The following GOSR2 variants were observed in gnomAD, a reference collection of about 807,000 sequenced individuals.
GOSR2 encodes the protein 27 kDa Golgi SNARE protein.
Under a neutral mutation model 27.9 loss-of-function variants are expected in GOSR2, and 20 were observed. The observed-to-expected ratio is 0.72, with a 90% CI of 0.50 to 1.04. The LOEUF (loss-of-function observed/expected upper bound fraction) is 1.04. GOSR2 is among the 50% of genes least tolerant of loss of function. GOSR2 has a pLI of 0.00. For missense variants in GOSR2, 261 were observed against 270.5 expected (o/e 0.97, Z 0.25); for synonymous variants, 91 against 98.8 (o/e 0.92, Z 0.47).
At position 46,941,803 on chromosome 17, in the gene GOSR2, C is replaced by A; in HGVS notation, c.*3043C>A. The A allele has an allele frequency of 3.5e-6, 1 of 282,328 alleles. No homozygotes were observed. The highest frequency in any genetic ancestry group is 5.3e-6 in the Non-Finnish European group (1 of 190,132). 17.5% of individuals were successfully genotyped at this position (282,328 alleles called of 1,614,324 possible). On this transcript the variant is annotated 3_prime_UTR_variant, in exon 6 of 6. Coordinates refer to ENST00000640051, the MANE Select transcript of GOSR2 (RefSeq NM_004287.5). ...GTTTTACTATGTTGACCAGATTGGT[C>A]TTAAACTCCTGGCCTCAAGTGATCT... is the stretch of plus-strand genomic sequence containing the variant.
At chr17:46,945,357 T>C (rs577906747), downstream of GOSR2, among the ~76,000 whole-genome samples, 53 of 152,278 alleles carry the variant, frequency 3.5e-4, no homozygotes, top group African/African-American at 1.3e-3. Flanking sequence ...GGTGTGGGTG[T>C]GGACAAGCCC....
downstream of GOSR2, among the ~76,000 whole-genome samples, chr17:46,943,583 C>T (rs74780658): frequency 1.5e-3 from 227 of 152,342 alleles, 3 homozygotes; most frequent in East Asian, 0.037. Context: ...TGCTCCTCAC[C>T]GCAGGGGCCT....
intron 6 of GOSR2, among the ~76,000 whole-genome samples, chr17:46,958,059 C>T (rs2090832823): frequency 1.3e-5 from 2 of 152,108 alleles, no homozygotes; most frequent in African/African-American, 4.8e-5. Flanking sequence ...TGTCACTGGC[C>T]GGGGGTCACC....
intron 6 of GOSR2, chr17:46,973,072 C>A (rs2091409284): frequency 6.6e-6 from 1 of 151,828 alleles, no homozygotes; most frequent in African/African-American, 2.4e-5. Flanking sequence ...TCAAGGGATG[C>A]TACTCGGAAA....
downstream of GOSR2, among the ~76,000 whole-genome samples, chr17:46,975,679 G>A (rs1310010780): frequency 2.0e-5 from 3 of 152,242 alleles, no homozygotes; most frequent in East Asian, 5.8e-4. Context: ...GTGCCTGCTT[G>A]TGTGAGCATA....
At chr17:46,938,441 A>G (rs924627054) in intron 5 of GOSR2, among the ~76,000 whole-genome samples, 158 bp from the exon 6 acceptor site, 3 of 152,206 alleles carry the variant, frequency 2.0e-5, no homozygotes, top group African/African-American at 7.2e-5. Flanking sequence ...AGTCGACGAC[A>G]TGAGAGTGGC....
At chr17:46,963,885 G>C (rs1043769122) in intron 6 of GOSR2, 4 of 152,174 alleles carry the variant, frequency 2.6e-5, no homozygotes, top group African/African-American at 9.7e-5. Flanking sequence ...AGCACAATAA[G>C]AGCTCACTGC....
At chr17:46,934,394 C>G (rs1175964100) in intron 4 of GOSR2, among the ~76,000 whole-genome samples, 2 of 152,146 alleles carry the variant, frequency 1.3e-5, no homozygotes, top group Non-Finnish European at 2.9e-5. Flanking sequence ...TGGTAGCATG[C>G]ACCTATGGTC....
chr17:46,926,956 T>C (rs78722784), intron 1 of GOSR2, among the ~76,000 whole-genome samples: 4,517 of 152,308 alleles, frequency 0.03, 214 homozygotes, highest in African/African-American at 0.1. Flanking sequence ...GGACACATGC[T>C]TTATTCTACT....
In GOSR2 at chr17:46,939,990, C is replaced by T; in HGVS notation, c.*1230C>T. On this transcript the variant is annotated 3_prime_UTR_variant, in exon 6 of 6. Transcript: ENST00000640051. The stretch of plus-strand genomic sequence containing the variant: ...AAGACATAAAATGACACTCAAAATC[C>T]TTCAGATCTGGAAACCGGCTCAGTA... The T allele has an allele frequency of 9.9e-7, 1 of 1,010,808 alleles. No individual in the cohort carries two copies. The highest frequency in any genetic ancestry group is 1.2e-6 in the Non-Finnish European group (1 of 843,906). 62.6% of individuals were successfully genotyped at this position (1,010,808 alleles called of 1,614,324 possible).
At position 46,929,758 on chromosome 17, in the gene GOSR2, C is replaced by T; in HGVS notation, c.94+174C>T. 5 of 605,158 alleles carry T rather than the reference C, an allele frequency of 8.3e-6. No individual in the cohort carries two copies. In the South Asian group the frequency reaches 9.3e-5, roughly 11 times the overall value. The allele number at this position is 605,158 out of a possible 1,614,324, so 37.5% of individuals were successfully genotyped here. On this transcript the variant is annotated intron_variant, in intron 2 of 5. Coordinates refer to ENST00000640051, the MANE Select transcript of GOSR2 (RefSeq NM_004287.5). ...AAAGTCACTGATTTCCCTGAGTGTG[C>T]CCTTTGGAATCCCACAAGTCTTATC... is the stretch of plus-strand genomic sequence containing the variant.
intron 6 of GOSR2, among the ~76,000 whole-genome samples, chr17:46,965,967 A>C (rs2091301156): frequency 6.6e-6 from 1 of 151,996 alleles, no homozygotes; most frequent in South Asian, 2.1e-4. Context: ...GCTGTTTATA[A>C]TGATGCAGGG....
intron 6 of GOSR2, among the ~76,000 whole-genome samples, chr17:46,962,929 T>C (rs1167002405): frequency 6.6e-6 from 1 of 152,244 alleles, no homozygotes; most frequent in Non-Finnish European, 1.5e-5. Context: ...AATGATGTGA[T>C]TTAATCCTTT....
intron 3 of GOSR2, chr17:46,931,484 C>A: frequency 2.0e-6 from 1 of 498,012 alleles, no homozygotes; most frequent in South Asian, 2.4e-5. Flanking sequence ...TGACTAGATC[C>A]ATAGCCACCT....
intron 5 of GOSR2, 70 bp downstream of exon 5, chr17:46,935,239 G>A (rs763374536): frequency 6.2e-7 from 1 of 1,608,250 alleles, no homozygotes; most frequent in Non-Finnish European, 8.5e-7. Context: ...TAGTAACTGT[G>A]TTTATATTTT....
Position 46,974,987 on chromosome 17 carries a change from CTTTT to C in GOSR2, c.616-189_616-186del, listed in dbSNP as rs58438726. ...CTTTTCAAATATGAATTACTATTTTCTTTTTTTTTTTTTTTTTTTTTTTTTTATG... is the reference window on the plus strand; with the variant it reads ...CTTTTCAAATATGAATTACTATTTTCTTTTTTTTTTTTTTTTTTTTTTATG... On this transcript the variant is annotated intron_variant, in intron 6 of 6. Transcript: ENST00000640723. Among the ~76,000 whole-genome samples the C allele has an allele frequency of 6.7e-5, 8 of 119,064 alleles. No individual in the cohort carries two copies. In the South Asian group the frequency reaches 8.2e-4, roughly 12 times the overall value. The allele number at this position is 119,064 out of a possible 152,430, so 78.1% of individuals were successfully genotyped here. A position where few individuals can be genotyped will look rare whatever the true frequency, so the allele number is the denominator to read the frequency against.
intron 6 of GOSR2, among the ~76,000 whole-genome samples, chr17:46,950,330 A>G (rs1484863388): frequency 6.6e-6 from 1 of 152,018 alleles, no homozygotes; most frequent in Non-Finnish European, 1.5e-5. Context: ...CTGGCTGAGG[A>G]GGTGGCAGAG....
At chr17:46,972,379 A>G (rs890140176) in intron 6 of GOSR2, among the ~76,000 whole-genome samples, 1 of 152,260 alleles carries the variant, frequency 6.6e-6, no homozygotes, top group South Asian at 2.1e-4. Context: ...AGTCCCTGCA[A>G]GGAGCTCTGG....
At chr17:46,945,932 C>T (rs970185996), downstream of GOSR2, among the ~76,000 whole-genome samples, 2 of 152,118 alleles carry the variant, frequency 1.3e-5, no homozygotes, top group African/African-American at 4.8e-5. Context: ...GTATAAATTC[C>T]GTGTCCATGG....
Sources: gnomAD v4.1 joint callset for allele counts (sites outside exome capture counted in the v4.1 genomes callset) on GRCh38, gnomAD v4.1.1 for gene constraint, MANE v1.5 for transcripts, NCBI Gene and HGNC (gene_info 2026-07-23, HGNC 2026-07-21) for gene names.